Variants in RBFOX3 observed in about 807,000 individuals in gnomAD.
RBFOX3 encodes RNA binding protein fox-1 homolog 3.
In RBFOX3, 17 loss-of-function variants were observed where a neutral mutation model predicts 48.7. The ratio of observed to expected loss-of-function variants is 0.35; its 90% CI spans 0.24 to 0.52. RBFOX3 has a LOEUF of 0.52. RBFOX3 is among the 20% of genes least tolerant of loss of function. RBFOX3 has a pLI of 0.94. For missense variants in RBFOX3, 382 were observed against 497.5 expected (o/e 0.77, Z 2.21); for synonymous variants, 212 against 209.5 (o/e 1.01, Z -0.10).
At chr17:79,436,393 G>C (rs2069460032) in intron 2 of RBFOX3, among the ~76,000 whole-genome samples, 1 of 152,250 alleles carries the variant, frequency 6.6e-6, no homozygotes, top group Admixed American at 6.5e-5. Context: ...CTAAGCATGA[G>C]TACGGTTGAA....
At chr17:79,440,817 C>G (rs1036674437) in intron 2 of RBFOX3, among the ~76,000 whole-genome samples, 11 of 152,204 alleles carry the variant, frequency 7.2e-5, no homozygotes, top group Non-Finnish European at 4.4e-5. Context: ...CATCCACACC[C>G]CTGCTCCTGA....
At chr17:79,436,540 G>A (rs1178679654) in intron 2 of RBFOX3, among the ~76,000 whole-genome samples, 2 of 152,178 alleles carry the variant, frequency 1.3e-5, no homozygotes, top group Non-Finnish European at 2.9e-5. Context: ...GAGCCTGCAG[G>A]CCACCAGGAG....
intron 4 of RBFOX3, among the ~76,000 whole-genome samples, chr17:79,188,366 A>T (rs1010549944): frequency 2.6e-5 from 4 of 152,212 alleles, no homozygotes; most frequent in African/African-American, 9.6e-5. Flanking sequence ...CCCAGCAGAG[A>T]CTGCAGCAAA....
intron 2 of RBFOX3, among the ~76,000 whole-genome samples, chr17:79,419,949 A>C (rs2065972771): frequency 6.6e-6 from 1 of 152,176 alleles, no homozygotes; most frequent in South Asian, 2.1e-4. Flanking sequence ...CAACACGGTG[A>C]AACCTCGTCT....
chr17:79,442,017 A>C (rs963971369), intron 2 of RBFOX3, among the ~76,000 whole-genome samples: 1 of 151,740 alleles, frequency 6.6e-6, no homozygotes, highest in Non-Finnish European at 1.5e-5. Flanking sequence ...TCCAGCCCCA[A>C]ACTTCTCAGG....
intron 2 of RBFOX3, among the ~76,000 whole-genome samples, chr17:79,356,367 T>TTTTTTTTTTTTG (rs2085070299): frequency 4.5e-4 from 35 of 77,052 alleles, no homozygotes; most frequent in African/African-American, 1.4e-3. Context: ...TTTTTTTTTT[T>TTTTTTTTTTTTG]TTTTTTTTTT....
chr17:79,453,577 G>A (rs576049888), intron 2 of RBFOX3, among the ~76,000 whole-genome samples: 1 of 152,344 alleles, frequency 6.6e-6, no homozygotes, highest in African/African-American at 2.4e-5. Flanking sequence ...CCCCACAGGG[G>A]TTATGGAGAG....
intron 1 of RBFOX3, among the ~76,000 whole-genome samples, chr17:79,567,184 T>C (rs1179754178): frequency 1.1e-4 from 15 of 131,098 alleles, no homozygotes; most frequent in South Asian, 5.2e-4. Context: ...TTCTTTCTTT[T>C]TTTTTTTTTT....
At chr17:79,226,860 C>T (rs1228040299) in intron 4 of RBFOX3, among the ~76,000 whole-genome samples, 3 of 152,186 alleles carry the variant, frequency 2.0e-5, no homozygotes, top group African/African-American at 7.2e-5. Flanking sequence ...GTGAGGCTGG[C>T]AAATTTCTAC....
chr17:79,163,796 C>T (rs2047450707), intron 4 of RBFOX3, among the ~76,000 whole-genome samples: 1 of 152,108 alleles, frequency 6.6e-6, no homozygotes, highest in East Asian at 1.9e-4. Context: ...GAACGGGTCT[C>T]CTGCGTTGAG....
At chr17:79,630,472 T>A in the RBFOX3 span, among the ~76,000 whole-genome samples, 2 of 152,120 alleles carry the variant, frequency 1.3e-5, no homozygotes, top group Admixed American at 6.5e-5. Context: ...GTGGGTACTG[T>A]GTTGCTTGAT....
In RBFOX3 at chr17:79,408,630, C is replaced by T. The variant is rs1172430373; in HGVS notation, c.-175+73824G>A. Among the ~76,000 whole-genome samples the T allele has an allele frequency of 2.6e-5, 4 of 152,150 alleles. 1 individual carries two copies. The highest frequency in any genetic ancestry group is 2.0e-4 in the Admixed American group (3 of 15,280). On this transcript the variant is annotated intron_variant, in intron 2 of 14. Coordinates refer to ENST00000693108, the MANE Select transcript of RBFOX3 (RefSeq NM_001350451.2). ...GATGGAAGGCAGGTCCCTAGGAGACCCTGTTCTGAGAAGCAGAGTCTTAAA... is the reference window on the plus strand; with the variant it reads ...GATGGAAGGCAGGTCCCTAGGAGACTCTGTTCTGAGAAGCAGAGTCTTAAA...
At chr17:79,415,890 G>T (rs1263456252) in intron 2 of RBFOX3, among the ~76,000 whole-genome samples, 1 of 152,092 alleles carries the variant, frequency 6.6e-6, no homozygotes, top group Non-Finnish European at 1.5e-5. Flanking sequence ...AGACCCCAGG[G>T]GAGCCCACAC....
intron 2 of RBFOX3, among the ~76,000 whole-genome samples, chr17:79,478,053 C>G (rs1264367815): frequency 6.6e-6 from 1 of 152,190 alleles, no homozygotes; most frequent in African/African-American, 2.4e-5. Context: ...CATGATCCCC[C>G]TCTCCCCGCT....
At chr17:79,334,777 C>T (rs2080933758) in intron 2 of RBFOX3, among the ~76,000 whole-genome samples, 1 of 152,212 alleles carries the variant, frequency 6.6e-6, no homozygotes, top group African/African-American at 2.4e-5. Context: ...AGTAATGGAC[C>T]CATCTCAGAG....
chr17:79,223,106 G>C (rs535827872), intron 4 of RBFOX3, among the ~76,000 whole-genome samples: 1 of 152,140 alleles, frequency 6.6e-6, no homozygotes, highest in South Asian at 2.1e-4. Flanking sequence ...CATCACCCTC[G>C]AAAAATGGGC....
the RBFOX3 span, among the ~76,000 whole-genome samples, chr17:79,641,510 C>T: frequency 6.6e-6 from 1 of 152,182 alleles, no homozygotes; most frequent in Non-Finnish European, 1.5e-5. Context: ...ATGTTTATTG[C>T]AGCATTATTC....
intron 4 of RBFOX3, among the ~76,000 whole-genome samples, chr17:79,187,688 C>T (rs544470316): frequency 2.0e-5 from 3 of 152,220 alleles, no homozygotes; most frequent in East Asian, 3.9e-4. Flanking sequence ...AGCTGGAGTC[C>T]TGTATCACCA....
Position 79,390,970 on chromosome 17 carries a change from G to A in RBFOX3, c.-174-83146C>T, listed in dbSNP as rs919467522. On this transcript the variant is annotated intron_variant, in intron 2 of 14. Transcript: ENST00000693108. The surrounding 1 kb of genome is among the most constrained non-coding windows in gnomAD (Gnocchi z 4.2). ...CTCTGCTTCTCCCTTCTCTCTTCCC[G>A]CTTTCTTCTCCACAGCCCCCTGATT... Among the ~76,000 whole-genome samples, 1 of 152,086 alleles carries A rather than the reference G, an allele frequency of 6.6e-6. No individual in the cohort carries two copies. The highest frequency in any genetic ancestry group is 1.5e-5 in the Non-Finnish European group (1 of 68,018).
Sources: allele counts gnomAD v4.1 joint callset (sites outside exome capture counted in the v4.1 genomes callset), GRCh38; gene constraint gnomAD v4.1.1; non-coding constraint Gnocchi (gnomAD v3.1); transcripts MANE v1.5; gene names NCBI Gene and HGNC (gene_info 2026-07-23, HGNC 2026-07-21).